NTRK2: variants seen among roughly 807,000 people sequenced by gnomAD.
NTRK2 encodes neurotrophic receptor tyrosine kinase 2, also known as BDNF/NT-3 growth factors receptor.
A neutral mutation model predicts 94.5 loss-of-function variants in NTRK2; 13 were observed. That is an observed-to-expected ratio of 0.14 (90% CI 0.09 to 0.22). The LOEUF is 0.22. Among genes scored for constraint, NTRK2 ranks in the 10% least tolerant of loss-of-function variants. The pLI is 1.00. For missense variants in NTRK2, 639 were observed against 1,071.2 expected (o/e 0.60, Z 5.63); for synonymous variants, 372 against 407.4 (o/e 0.91, Z 1.05).
Position 85,021,617 on chromosome 9 carries a change from A to G in NTRK2, c.*180A>G, listed in dbSNP as rs1371364664. On this transcript the variant is annotated 3_prime_UTR_variant, in exon 19 of 19. Coordinates refer to ENST00000277120, the MANE Select transcript of NTRK2 (RefSeq NM_006180.6). ...TGTGTACTTCTTCATCCATAGACAC[A>G]GTATTGACTTCTTTTTGGCATTATC... 1.5e-5 allele frequency: 10 copies of G among 656,358 alleles called. No individual in the cohort carries two copies. The highest frequency in any genetic ancestry group is 3.6e-5 in the African/African-American group (2 of 55,656). The allele number at this position is 656,358 out of a possible 1,614,324, so 40.7% of individuals were successfully genotyped here. A position where few individuals can be genotyped will look rare whatever the true frequency, so the allele number is the denominator to read the frequency against.
At chr9:84,866,906 A>G (rs570865654) in intron 13 of NTRK2, among the ~76,000 whole-genome samples, 1 of 152,356 alleles carries the variant, frequency 6.6e-6, no homozygotes, top group East Asian at 1.9e-4. Context: ...GTACTAATAC[A>G]TACTACAATG....
intron 17 of NTRK2, among the ~76,000 whole-genome samples, chr9:85,016,083 C>T (rs994038348): frequency 2.6e-5 from 4 of 152,140 alleles, no homozygotes; most frequent in Admixed American, 6.5e-5. Context: ...AGAAATTCTT[C>T]GTAAATGTTG....
At chr9:84,826,946 A>G (rs1040348342) in intron 12 of NTRK2, among the ~76,000 whole-genome samples, 1 of 152,144 alleles carries the variant, frequency 6.6e-6, no homozygotes, top group Non-Finnish European at 1.5e-5. Context: ...TATCAGAAGT[A>G]TTTGCTTTGT....
intron 14 of NTRK2, among the ~76,000 whole-genome samples, chr9:84,931,416 A>AAG (rs60534679): frequency 0.023 from 3,405 of 147,870 alleles, 31 homozygotes; most frequent in African/African-American, 0.042. Context: ...CAAAAAAAAA[A>AAG]AGAGAGAGAG....
At chr9:84,684,221 G>A (rs980916965) in intron 2 of NTRK2, among the ~76,000 whole-genome samples, 1 of 152,056 alleles carries the variant, frequency 6.6e-6, no homozygotes, top group Non-Finnish European at 1.5e-5. Context: ...TGTCAAGTTT[G>A]GCTTTCGTTG....
In NTRK2 at chr9:84,787,026, G is replaced by A. The variant is rs147190424; in HGVS notation, c.1396+34941G>A. The stretch of plus-strand genomic sequence containing the variant: ...AAAAAATGACCAGTCAGGTGGGCGC[G>A]GTGGCTCACACCTATAATCCCAGCA... On this transcript the variant is annotated intron_variant, in intron 12 of 18. Transcript: ENST00000277120. Among the ~76,000 whole-genome samples, 1,155 of 152,132 alleles carry A rather than the reference G, an allele frequency of 7.6e-3. 14 individuals are homozygous for A. The highest frequency in any genetic ancestry group is 0.026 in the African/African-American group (1,091 of 41,490).
chr9:84,982,504 G>A (rs1827754059), intron 17 of NTRK2, among the ~76,000 whole-genome samples: 1 of 152,142 alleles, frequency 6.6e-6, no homozygotes, highest in South Asian at 2.1e-4. Flanking sequence ...GAATCCATGT[G>A]GTAGCTAAGT....
chr9:85,009,521 G>A (rs1017128526), intron 17 of NTRK2, among the ~76,000 whole-genome samples: 5 of 152,136 alleles, frequency 3.3e-5, no homozygotes, highest in Non-Finnish European at 7.4e-5. Context: ...GCTGCTTGTA[G>A]CATGTGCACT....
At chr9:84,793,722 T>C (rs1471377359) in intron 12 of NTRK2, among the ~76,000 whole-genome samples, 3 of 152,234 alleles carry the variant, frequency 2.0e-5, no homozygotes, top group Non-Finnish European at 4.4e-5. Context: ...TTGTTCTATT[T>C]CAGAGGGAGG....
chr9:84,887,690 C>T (rs2076460119), intron 14 of NTRK2, among the ~76,000 whole-genome samples: 1 of 152,128 alleles, frequency 6.6e-6, no homozygotes, highest in Non-Finnish European at 1.5e-5. Flanking sequence ...CTTTTTTGAC[C>T]ATCTCTGCCT....
chr9:84,768,648 T>C (rs2066249708), intron 12 of NTRK2, among the ~76,000 whole-genome samples: 1 of 152,188 alleles, frequency 6.6e-6, no homozygotes, highest in Non-Finnish European at 1.5e-5. Flanking sequence ...TCATGACTTT[T>C]GTTTTGACGT....
At chr9:84,940,547 A>T (rs2078372671) in intron 15 of NTRK2, among the ~76,000 whole-genome samples, 1 of 152,148 alleles carries the variant, frequency 6.6e-6, no homozygotes, top group Non-Finnish European at 1.5e-5. Context: ...CCAATTAGTC[A>T]TCTGCAATGC....
At chr9:85,002,268 A>G (rs982334142) in intron 17 of NTRK2, among the ~76,000 whole-genome samples, 4 of 152,202 alleles carry the variant, frequency 2.6e-5, no homozygotes, top group Admixed American at 6.5e-5. Flanking sequence ...GAAGACCCCA[A>G]GAGGATGACT....
chr9:84,858,644 A>G (rs1232163754), intron 12 of NTRK2, among the ~76,000 whole-genome samples: 3 of 151,994 alleles, frequency 2.0e-5, no homozygotes, highest in African/African-American at 2.4e-5. Flanking sequence ...TTCTGTGCTC[A>G]CACACCCTGG....
chr9:84,976,215 T>C (rs990955771), intron 17 of NTRK2, among the ~76,000 whole-genome samples: 30 of 152,138 alleles, frequency 2.0e-4, no homozygotes, highest in African/African-American at 7.2e-4. Context: ...GAGACCAGAG[T>C]GCCAGCATGG....
Position 85,021,474 on chromosome 9 carries a change from C to T in NTRK2, c.*37C>T. On this transcript the variant is annotated 3_prime_UTR_variant, in exon 19 of 19. Transcript: ENST00000277120. ...CCAGACCGATCCTTCCCAACGTACT[C>T]CTCAGACGGGCTGAGAGGATGAACA... The T allele has an allele frequency of 1.2e-6, 2 of 1,603,536 alleles. No homozygotes were observed. Among genetic ancestry groups the T allele is most frequent in the Non-Finnish European group, 1.7e-6 (2 of 1,170,522 alleles).
chr9:84,790,540 C>G (rs2068624702), intron 12 of NTRK2, among the ~76,000 whole-genome samples: 1 of 152,222 alleles, frequency 6.6e-6, no homozygotes, highest in African/African-American at 2.4e-5. Context: ...TTCCCTACTT[C>G]TGTAACCAAG....
At chr9:84,877,962 TA>T (rs1359713968) in intron 14 of NTRK2, 46 of 1,007,632 alleles carry the variant, frequency 4.6e-5, no homozygotes, top group Non-Finnish European at 5.5e-5. Context: ...CTTGAGAATA[TA>T]ATTCAACATT....
At chr9:84,735,635 G>T (rs1217712030) in intron 9 of NTRK2, among the ~76,000 whole-genome samples, 1 of 152,218 alleles carries the variant, frequency 6.6e-6, no homozygotes, top group Non-Finnish European at 1.5e-5. Flanking sequence ...GCTTAAGAAG[G>T]CTAGGGAGAG....
Sources: gnomAD v4.1 joint callset for allele counts (sites outside exome capture counted in the v4.1 genomes callset) on GRCh38, gnomAD v4.1.1 for gene constraint, MANE v1.5 for transcripts, NCBI Gene and HGNC (gene_info 2026-07-23, HGNC 2026-07-21) for gene names.